The following NETO2 variants were observed in gnomAD, a reference collection of about 807,000 sequenced individuals.
NETO2 encodes neuropilin and tolloid like 2.
In NETO2, 28 loss-of-function variants were observed where a neutral mutation model predicts 62.5. The observed-to-expected ratio is 0.45, with a 90% confidence interval of 0.33 to 0.61. NETO2 has a LOEUF of 0.61. Ranked by LOEUF, NETO2 falls within the 20% of genes least tolerant of loss-of-function variation. The pLI, the probability that NETO2 is intolerant of heterozygous loss-of-function variation, is 0.02. For missense variants in NETO2, 548 were observed against 643.2 expected, an observed-to-expected ratio of 0.85 and a Z score of 1.60; for synonymous variants, 214 against 219.1, an observed-to-expected ratio of 0.98 and a Z score of 0.21.
In NETO2 at chr16:47,126,785, A is replaced by C. The variant is rs1485098900; in HGVS notation, c.481+1540T>G. ...AAAACTGTTCTAAAAAATAAAGTCT[A>C]TTAGACAATGTTTACTTTTTGGAAA... On this transcript the variant is annotated intron_variant, in intron 4 of 8. Transcript: ENST00000562435. 1.3e-5 allele frequency among the ~76,000 whole-genome samples: 2 copies of C among 152,224 alleles called. 1 individual carries two copies. The highest frequency in any genetic ancestry group is 4.1e-4 in the South Asian group (2 of 4,832).
intron 7 of NETO2, among the ~76,000 whole-genome samples, chr16:47,105,424 C>T (rs556351478): frequency 6.6e-6 from 1 of 152,212 alleles, no homozygotes; most frequent in African/African-American, 2.4e-5. Flanking sequence ...AGCTTCATGA[C>T]ATTGGTTTTG....
rs1456650291 is a variant in NETO2 at position 47,082,543 on chromosome 16, G to A, written c.*678C>T. 6.6e-6 allele frequency: 1 copy of A among 152,108 alleles called. No homozygotes were observed. The highest frequency in any genetic ancestry group is 1.5e-5 in the Non-Finnish European group (1 of 68,020). The allele number at this position is 152,108 out of a possible 1,614,324, so 9.4% of individuals were successfully genotyped here. The stretch of plus-strand genomic sequence containing the variant: ...ATAACTGAGAAAAATATAATTGAAA[G>A]GTAATAAATCATATCATCTATTATT... On this transcript the variant is annotated 3_prime_UTR_variant, in exon 9 of 9. Transcript: ENST00000562435.
chr16:47,106,501 C>T (rs1963678630), intron 7 of NETO2, among the ~76,000 whole-genome samples: 3 of 152,166 alleles, frequency 2.0e-5, no homozygotes, highest in East Asian at 1.9e-4. Flanking sequence ...ACAACCCTTC[C>T]GGAAGGGTTT....
intron 2 of NETO2, among the ~76,000 whole-genome samples, chr16:47,129,904 C>A (rs560472613): frequency 6.6e-6 from 1 of 152,284 alleles, no homozygotes; most frequent in South Asian, 2.1e-4. Context: ...GCAGTAACAA[C>A]TGGCAGTACC....
At chr16:47,136,894 C>T (rs1386485173) in intron 1 of NETO2, among the ~76,000 whole-genome samples, 1 of 151,258 alleles carries the variant, frequency 6.6e-6, no homozygotes, top group Non-Finnish European at 1.5e-5. Context: ...AGGTGAAGAG[C>T]ACCTTCATTT....
chr16:47,141,984 G>C (rs1434920553), intron 1 of NETO2, among the ~76,000 whole-genome samples: 2 of 152,210 alleles, frequency 1.3e-5, no homozygotes, highest in Non-Finnish European at 2.9e-5. Context: ...TGCAGGTAAA[G>C]CGGTGTGACA....
At chr16:47,092,184 T>A (rs1200621995) in intron 7 of NETO2, among the ~76,000 whole-genome samples, 1 of 152,144 alleles carries the variant, frequency 6.6e-6, no homozygotes, top group African/African-American at 2.4e-5. Context: ...ACAGGCATAC[T>A]CAGAATGCCC....
chr16:47,128,346 C>T lies in NETO2; in HGVS notation c.460G>A (p.Ala154Thr). 2 of 1,613,208 alleles carry T rather than the reference C, an allele frequency of 1.2e-6. No individual in the cohort carries two copies. Among genetic ancestry groups the T allele is most frequent in the Non-Finnish European group, 1.7e-6 (2 of 1,179,684 alleles). The change falls in exon 4 of 9, where the codon GCA becomes ACA. Residue 154 changes from alanine to threonine, a missense_variant. Coordinates refer to ENST00000562435, the MANE Select transcript of NETO2 (RefSeq NM_018092.5). ...TTACCTGGAATAAATGAATATTTTG[C>T]TCGAAATCCCAGTCCTTCAAGCTCT... ...DEELEGLGFRAKYSFIPDPDF... is the reference protein window; with the variant it reads ...DEELEGLGFRTKYSFIPDPDF...
At position 47,083,624 on chromosome 16, in the gene NETO2, A is replaced by G; in HGVS notation, c.1175T>C (p.Val392Ala). 6.2e-7 allele frequency: 1 copy of G among 1,614,130 alleles called. No individual in the cohort carries two copies. Among genetic ancestry groups the G allele is most frequent in the Middle Eastern group, 1.6e-4 (1 of 6,062 alleles). The change falls in exon 9 of 9, where the codon GTG (valine) becomes GCG (alanine). Residue 392 changes from valine (V) to alanine (A), a missense_variant. Val to Ala is a moderately conservative substitution (Grantham distance 64, BLOSUM62 0). Coordinates refer to ENST00000562435, the MANE Select transcript of NETO2 (RefSeq NM_018092.5). The part of the protein sequence containing the change: ...TAFNKTGFQE[V>A]FDPPHYELFS... ...CAGTTCATAATGAGGAGGATCAAAC[A>G]CTTCTTGGAACCCGGTTTTATTAAA...
At chr16:47,104,503 T>C (rs945900788) in intron 7 of NETO2, among the ~76,000 whole-genome samples, 3 of 152,150 alleles carry the variant, frequency 2.0e-5, no homozygotes, top group Admixed American at 6.5e-5. Context: ...ATCCCAACAG[T>C]GTTTCTGCAG....
intron 7 of NETO2, among the ~76,000 whole-genome samples, chr16:47,101,229 C>T (rs1226958428): frequency 6.6e-6 from 1 of 152,154 alleles, no homozygotes; most frequent in African/African-American, 2.4e-5. Context: ...CTATAAAATT[C>T]AACACCCCTT....
At chr16:47,128,200 T>C (rs1193873618) in intron 4 of NETO2, 125 bp downstream of exon 4, 1 of 1,200,284 alleles carries the variant, frequency 8.3e-7, no homozygotes, top group Non-Finnish European at 1.2e-6. Context: ...CCTTTGACTT[T>C]GCTAATTTGT....
chr16:47,141,277 TA>T (rs2151497125), intron 1 of NETO2, among the ~76,000 whole-genome samples: 1 of 152,340 alleles, frequency 6.6e-6, no homozygotes, highest in African/African-American at 2.4e-5. Context: ...AAATGTTAAA[TA>T]GCTGCTTCAG....
intron 1 of NETO2, among the ~76,000 whole-genome samples, chr16:47,140,348 C>T (rs1016537747): frequency 1.3e-5 from 2 of 152,060 alleles, no homozygotes; most frequent in South Asian, 2.1e-4. Context: ...TCTACAGGAG[C>T]GTAAGTTGAA....
At chr16:47,102,848 T>A (rs1483113070) in intron 7 of NETO2, among the ~76,000 whole-genome samples, 1 of 152,026 alleles carries the variant, frequency 6.6e-6, no homozygotes, top group Non-Finnish European at 1.5e-5. Flanking sequence ...TTGGTGGGAG[T>A]GTAAATTAGT....
intron 8 of NETO2, among the ~76,000 whole-genome samples, chr16:47,084,459 C>G (rs1419979603): frequency 6.6e-6 from 1 of 152,158 alleles, no homozygotes; most frequent in Non-Finnish European, 1.5e-5. Flanking sequence ...TGCTGCTGCT[C>G]CCCATCACTC....
chr16:47,089,162 T>C (rs1963259235), intron 7 of NETO2, among the ~76,000 whole-genome samples: 1 of 152,208 alleles, frequency 6.6e-6, no homozygotes, highest in Admixed American at 6.5e-5. Flanking sequence ...CACACTAAAC[T>C]GTTAAGCTTG....
intron 7 of NETO2, among the ~76,000 whole-genome samples, chr16:47,103,374 G>C (rs148981569): frequency 1.2e-4 from 18 of 152,102 alleles, no homozygotes; most frequent in African/African-American, 3.4e-4. Flanking sequence ...CAGCATGGCA[G>C]GTGTATACCT....
At chr16:47,116,094 G>T (rs993532924) in intron 6 of NETO2, among the ~76,000 whole-genome samples, 2 of 150,900 alleles carry the variant, frequency 1.3e-5, no homozygotes, top group Admixed American at 6.6e-5. Context: ...GAAGGGGAAA[G>T]AATTCAGGTT....
Sources: allele counts gnomAD v4.1 joint callset (sites outside exome capture counted in the v4.1 genomes callset), GRCh38; gene constraint gnomAD v4.1.1; transcripts MANE v1.5; gene names NCBI Gene and HGNC (gene_info 2026-07-23, HGNC 2026-07-21).